The following COL17A1 variants were observed in gnomAD, a reference collection of about 807,000 sequenced individuals.
The protein encoded by COL17A1 is collagen alpha-1(XVII) chain.
COL17A1 carries 181 observed loss-of-function variants against 218.4 expected under a neutral mutation model. The ratio of observed to expected loss-of-function variants is 0.83; its 90% confidence interval spans 0.73 to 0.94. The LOEUF is 0.94. COL17A1 is among the 40% of genes least tolerant of loss of function. COL17A1 has a pLI of 0.00. For synonymous variants in COL17A1, 721 were observed against 731.0 expected, an observed-to-expected ratio of 0.99 and a Z score of 0.22; for missense variants, 1,924 against 1,945.9, an observed-to-expected ratio of 0.99 and a Z score of 0.21.
intron 44 of COL17A1, 33 bp from the exon 45 acceptor site, chr10:104,038,561 TCTCC>T: frequency 6.2e-7 from 1 of 1,605,522 alleles, no homozygotes; most frequent in Non-Finnish European, 8.5e-7. Flanking sequence ...TGTGTCGGTT[TCTCC>T]ACCCTAGGGT....
At chr10:104,033,067 A>G in intron 53 of COL17A1, 99 bp from the exon 54 acceptor site, 1 of 1,529,512 alleles carries the variant, frequency 6.5e-7, no homozygotes, top group African/African-American at 1.4e-5. Context: ...ATAGTGATGG[A>G]GTTTGGACGT....
rs1229355704 is a variant in COL17A1, at chr10:104,035,247, C to T, written c.3619+16G>A. On this transcript the variant is annotated intron_variant, in intron 50 of 55. Coordinates refer to ENST00000648076, the MANE Select transcript of COL17A1 (RefSeq NM_000494.4). The stretch of plus-strand genomic sequence containing the variant: ...TGCATCCCCTGCCCTCCCCATCCCA[C>T]TCCACAGTGCCCTACTATGTAAGTA... 2 of 1,607,150 alleles carry T rather than the reference C, an allele frequency of 1.2e-6. No homozygotes were observed. Among genetic ancestry groups the T allele is most frequent in the East Asian group, 2.2e-5 (1 of 44,766 alleles).
Position 104,039,512 on chromosome 10 carries a change from A to C in COL17A1, c.2829T>G (p.Ser943Arg). Reference protein sequence around the residue: ...GLPGFSTSGSSSFGLNLQGPP... With the variant: ...GLPGFSTSGSRSFGLNLQGPP... ...GTCCCTGAAGGTTGAGTCCGAAAGA[A>C]CTGGACCCTGGAAGCCAACAACACA... The change falls in exon 43 of 56, where the codon AGT becomes AGG. Residue 943 changes from serine (S) to arginine (R), a missense_variant. Transcript: ENST00000648076. The C allele has an allele frequency of 6.2e-7, 1 of 1,614,024 alleles. No homozygotes were observed.
chr10:104,067,262 T>G (rs1462553436), intron 9 of COL17A1, among the ~76,000 whole-genome samples: 1 of 146,848 alleles, frequency 6.8e-6, no homozygotes, highest in Non-Finnish European at 1.5e-5. Context: ...GGACACAGAA[T>G]GTCTCAAAAG....
Position 104,045,763 on chromosome 10 carries a change from A to C in COL17A1, c.2393T>G (p.Ile798Arg). The C allele has an allele frequency of 6.2e-7, 1 of 1,611,958 alleles. No individual in the cohort carries two copies. The highest frequency in any genetic ancestry group is 8.5e-7 in the Non-Finnish European group (1 of 1,177,918). Reference sequence around the variant, plus strand: ...TCATTTGGAAATTCACTTACCTTTTATTCCTGGTCGGCCAGGGGTACCGGG... The same window carrying C: ...TCATTTGGAAATTCACTTACCTTTTCTTCCTGGTCGGCCAGGGGTACCGGG... ...GLPGTPGRPG[I>R]KGEPGAPGKI... Residue 798 changes from isoleucine (I) to arginine (R), a missense_variant, in exon 33 of 56, where the codon ATA becomes AGA. Ile to Arg is a moderately conservative substitution (Grantham distance 97). Coordinates refer to ENST00000648076, the MANE Select transcript of COL17A1 (RefSeq NM_000494.4).
chr10:104,074,795 A>G (rs1347879482), intron 5 of COL17A1, among the ~76,000 whole-genome samples: 1 of 152,186 alleles, frequency 6.6e-6, no homozygotes, highest in Non-Finnish European at 1.5e-5. Flanking sequence ...GTGGGATGCT[A>G]GCCCGCTGTG....
intron 8 of COL17A1, 104 bp downstream of exon 8, chr10:104,071,928 G>A (rs2086672359): frequency 6.6e-7 from 1 of 1,516,136 alleles, no homozygotes; most frequent in Non-Finnish European, 9.1e-7. Flanking sequence ...ACATACATGT[G>A]TGTGCATGCA....
chr10:104,035,825 T>TGTATGGGA (rs796811516), intron 48 of COL17A1, among the ~76,000 whole-genome samples: 1 of 151,804 alleles, frequency 6.6e-6, no homozygotes, highest in African/African-American at 2.4e-5. Flanking sequence ...TGAGTGTGTG[T>TGTATGGGA]GTGTATGGGA....
chr10:104,075,931 C>T (rs138797101), intron 5 of COL17A1, among the ~76,000 whole-genome samples: 107 of 152,340 alleles, frequency 7.0e-4, no homozygotes, highest in Non-Finnish European at 1.1e-3. Context: ...TGATAATCTC[C>T]ATCTACTTTA....
At chr10:104,054,634 G>C (rs990493890) in intron 20 of COL17A1, among the ~76,000 whole-genome samples, 1 of 152,146 alleles carries the variant, frequency 6.6e-6, no homozygotes, top group African/African-American at 2.4e-5. Flanking sequence ...CTTGAACGTG[G>C]TGCTCAGTAT....
chr10:104,043,559 G>T lies in COL17A1; in HGVS notation c.2457C>A (p.Val819=). The part of the protein sequence containing the change: ...VTSEGSSMLT[V]PGPPGPPGAM... Reference sequence around the variant, plus strand: ...CTCCAGGAGGTCCTGGGGGGCCTGGGACAGTGAGCATCGATGACCCCTCTG... The same window carrying T: ...CTCCAGGAGGTCCTGGGGGGCCTGGTACAGTGAGCATCGATGACCCCTCTG... The change falls in exon 35 of 56, where the codon GTC becomes GTA. Residue 819 remains valine (V), a synonymous_variant. Transcript: ENST00000648076. The T allele has an allele frequency of 6.2e-7, 1 of 1,614,004 alleles. No homozygotes were observed. The highest frequency in any genetic ancestry group is 8.5e-7 in the Non-Finnish European group (1 of 1,180,016).
At chr10:104,036,087 GGA>G (rs1364672714) in intron 48 of COL17A1, among the ~76,000 whole-genome samples, 8 of 9,982 alleles carry the variant, frequency 8.0e-4, no homozygotes, top group Non-Finnish European at 1.2e-3. Context: ...AGTGTGTATG[GGA>G]GTGTGTGTGT....
At chr10:104,041,699 A>G (rs2086361400) in intron 36 of COL17A1, among the ~76,000 whole-genome samples, 161 bp from the exon 37 acceptor site, 1 of 152,242 alleles carries the variant, frequency 6.6e-6, no homozygotes, top group Non-Finnish European at 1.5e-5. Context: ...GCAGCACCTC[A>G]TCTGCTAAGG....
chr10:104,076,194 G>T, intron 5 of COL17A1, 107 bp downstream of exon 5: 2 of 1,562,878 alleles, frequency 1.3e-6, no homozygotes, highest in Non-Finnish European at 1.8e-6. Flanking sequence ...GGAGTGGGGA[G>T]AAAGGTGAAG....
chr10:104,049,050 G>A (rs1347628753), intron 29 of COL17A1, among the ~76,000 whole-genome samples: 3 of 152,086 alleles, frequency 2.0e-5, no homozygotes, highest in Non-Finnish European at 2.9e-5. Context: ...GTGAACAAAA[G>A]GGTAAAAACC....
In COL17A1 at chr10:104,035,332, C is replaced by T; in HGVS notation, c.3550G>A (p.Gly1184Ser). The change falls in exon 50 of 56, where the codon GGT becomes AGT. Residue 1184 changes from glycine (G) to serine (S), a missense_variant. By Grantham distance (56) the Gly-to-Ser change is moderately conservative. Transcript: ENST00000648076. ...RGIVGPPGPP[G>S]PPGIPGNVWS... ...ACATTGCCTGGGATCCCTGGTGGAC[C>T]CGGGGGACCTGGGGGTCCAACGATG... 2 of 1,614,232 alleles carry T rather than the reference C, an allele frequency of 1.2e-6. No homozygotes were observed. The highest frequency in any genetic ancestry group is 1.7e-6 in the Non-Finnish European group (2 of 1,180,038).
At chr10:104,072,174 T>C in intron 7 of COL17A1, 95 bp from the exon 8 acceptor site, 11 of 1,560,102 alleles carry the variant, frequency 7.1e-6, no homozygotes, top group Middle Eastern at 1.7e-4. Flanking sequence ...CCCTTTAGGC[T>C]GCTCTGACAT....
At chr10:104,077,592 C>A (rs1020223602) in intron 3 of COL17A1, 66 bp from the exon 4 acceptor site, 60 of 1,362,898 alleles carry the variant, frequency 4.4e-5, no homozygotes, top group Middle Eastern at 2.5e-4. Flanking sequence ...CCTGGTCCCC[C>A]ACCCTGTGGA....
chr10:104,033,428 T>C (rs1252928005), intron 52 of COL17A1, 53 bp from the exon 53 acceptor site: 7 of 1,594,420 alleles, frequency 4.4e-6, no homozygotes, highest in Non-Finnish European at 5.1e-6. Context: ...CAGTACCCTC[T>C]TCAGCAGGAG....
Sources: gnomAD v4.1 joint callset for allele counts (sites outside exome capture counted in the v4.1 genomes callset) on GRCh38, gnomAD v4.1.1 for gene constraint, MANE v1.5 for transcripts, NCBI Gene and HGNC (gene_info 2026-07-23, HGNC 2026-07-21) for gene names.